NLGN1: variants seen among roughly 807,000 people sequenced by gnomAD.
The protein encoded by NLGN1 is neuroligin-1.
A neutral mutation model predicts 65.5 loss-of-function variants in NLGN1; 12 were observed. The observed-to-expected ratio is 0.18, with a 90% CI of 0.12 to 0.30. The LOEUF (loss-of-function observed/expected upper bound fraction) is 0.30, where lower values mean the gene tolerates loss of function less well. Among genes scored for constraint, NLGN1 ranks in the 10% least tolerant of loss-of-function variants. NLGN1 has a pLI of 1.00. For missense variants in NLGN1, 750 were observed against 1,007.1 expected, an observed-to-expected ratio of 0.74 and a Z score of 3.46; for synonymous variants, 350 against 359.5, an observed-to-expected ratio of 0.97 and a Z score of 0.30.
chr3:173,399,238 T>C (rs1171115896), intron 1 of NLGN1, among the ~76,000 whole-genome samples: 1 of 152,190 alleles, frequency 6.6e-6, no homozygotes, highest in Non-Finnish European at 1.5e-5. Context: ...GAAGTAACTG[T>C]TTTCTGTAAG....
intron 2 of NLGN1, among the ~76,000 whole-genome samples, chr3:173,446,387 A>G (rs1418335590): frequency 1.3e-5 from 2 of 152,154 alleles, no homozygotes; most frequent in Non-Finnish European, 2.9e-5. Flanking sequence ...CCTACAAAGG[A>G]CATGAACTCA....
At chr3:174,024,089 G>GCTTT (rs1728330450) in intron 4 of NLGN1, among the ~76,000 whole-genome samples, 1 of 150,532 alleles carries the variant, frequency 6.6e-6, no homozygotes, top group Admixed American at 6.7e-5. Context: ...GAGTAACAGG[G>GCTTT]CTTTGTCCAC....
chr3:173,716,287 T>G (rs1769835749), intron 3 of NLGN1, among the ~76,000 whole-genome samples: 1 of 152,168 alleles, frequency 6.6e-6, no homozygotes, highest in East Asian at 1.9e-4. Flanking sequence ...GTAGATATAT[T>G]CATTTTACTT....
intron 4 of NLGN1, among the ~76,000 whole-genome samples, chr3:173,936,423 T>A (rs1245010882): frequency 6.6e-6 from 1 of 152,062 alleles, no homozygotes; most frequent in Non-Finnish European, 1.5e-5. Flanking sequence ...ACAAGAAGTA[T>A]TTCTCTCATG....
intron 4 of NLGN1, among the ~76,000 whole-genome samples, chr3:174,097,027 A>G (rs913849587): frequency 2.0e-5 from 3 of 151,870 alleles, no homozygotes; most frequent in Non-Finnish European, 4.4e-5. Flanking sequence ...GGCTTTTGCC[A>G]CAACTGAATA....
chr3:173,818,673 G>T (rs2150516849), intron 4 of NLGN1, among the ~76,000 whole-genome samples: 1 of 152,182 alleles, frequency 6.6e-6, no homozygotes, highest in Admixed American at 6.5e-5. Context: ...GGAATGGACG[G>T]GTAACCTTGG....
chr3:173,776,055 C>G (rs914082605), intron 3 of NLGN1, among the ~76,000 whole-genome samples: 4 of 152,040 alleles, frequency 2.6e-5, no homozygotes, highest in Non-Finnish European at 4.4e-5. Flanking sequence ...GCTATAGATT[C>G]TCTTTCCTTC....
chr3:174,036,584 GT>G (rs34399860), intron 4 of NLGN1, among the ~76,000 whole-genome samples: 33,318 of 141,534 alleles, frequency 0.24, 4,168 homozygotes, highest in East Asian at 0.36. Flanking sequence ...GTTTTTTGTT[GT>G]TTTTTTTTTT....
chr3:173,833,653 G>T (rs749745451), intron 4 of NLGN1, among the ~76,000 whole-genome samples: 5 of 151,926 alleles, frequency 3.3e-5, no homozygotes, highest in Non-Finnish European at 5.9e-5. Flanking sequence ...CCAGTGGCTG[G>T]GTCTGCGGGC....
intron 4 of NLGN1, among the ~76,000 whole-genome samples, chr3:174,268,562 G>A (rs1192174949): frequency 1.3e-5 from 2 of 152,058 alleles, no homozygotes; most frequent in East Asian, 3.9e-4. Flanking sequence ...CCTAAATTGG[G>A]AAGAAATTTG....
At chr3:173,439,291 A>G (rs779005018) in intron 2 of NLGN1, among the ~76,000 whole-genome samples, 6 of 152,180 alleles carry the variant, frequency 3.9e-5, no homozygotes, top group South Asian at 4.1e-4. Flanking sequence ...GAGTTTTAGT[A>G]TTATATTAAC....
At chr3:173,782,377 C>T (rs1781313993) in intron 3 of NLGN1, among the ~76,000 whole-genome samples, 1 of 152,018 alleles carries the variant, frequency 6.6e-6, no homozygotes, top group African/African-American at 2.4e-5. Flanking sequence ...GAAAAAAAAC[C>T]TCTCAAGATA....
chr3:173,702,890 G>T (rs1767463096), intron 3 of NLGN1, among the ~76,000 whole-genome samples: 1 of 152,058 alleles, frequency 6.6e-6, no homozygotes, highest in Admixed American at 6.5e-5. Context: ...TTCTTTTTGA[G>T]CAATATTACT....
At chr3:174,013,534 CA>C (rs1247053698) in intron 4 of NLGN1, among the ~76,000 whole-genome samples, 1 of 152,198 alleles carries the variant, frequency 6.6e-6, no homozygotes, top group East Asian at 1.9e-4. Context: ...GGGTCAACTT[CA>C]GATTAGCTAT....
chr3:173,506,692 G>A (rs1305967554), intron 2 of NLGN1, among the ~76,000 whole-genome samples: 1 of 152,084 alleles, frequency 6.6e-6, no homozygotes, highest in African/African-American at 2.4e-5. Flanking sequence ...AGTATTACTG[G>A]TTCCATCAGA....
intron 2 of NLGN1, among the ~76,000 whole-genome samples, chr3:173,499,896 C>T (rs1730744757): frequency 6.6e-6 from 1 of 151,514 alleles, no homozygotes; most frequent in Non-Finnish European, 1.5e-5. Flanking sequence ...GATTTTTGGG[C>T]ATTGATTTTG....
chr3:173,988,503 A>T (rs779165519), intron 4 of NLGN1, among the ~76,000 whole-genome samples: 7 of 152,112 alleles, frequency 4.6e-5, no homozygotes, highest in Non-Finnish European at 1.0e-4. Context: ...AGGATGCATG[A>T]AGGAAGATAG....
chr3:173,868,338 C>T (rs1730576531), intron 4 of NLGN1, among the ~76,000 whole-genome samples: 2 of 152,240 alleles, frequency 1.3e-5, no homozygotes, highest in South Asian at 2.1e-4. Context: ...GTTCAATCAA[C>T]AATTATGACT....
At chr3:174,153,135 A>G (rs1253299525) in intron 4 of NLGN1, among the ~76,000 whole-genome samples, 1 of 152,106 alleles carries the variant, frequency 6.6e-6, no homozygotes, top group East Asian at 1.9e-4. Context: ...ATAGGCTTCA[A>G]ATCTTAGTTC....
Sources: gnomAD v4.1 joint callset for allele counts (sites outside exome capture counted in the v4.1 genomes callset) on GRCh38, gnomAD v4.1.1 for gene constraint, MANE v1.5 for transcripts, NCBI Gene and HGNC (gene_info 2026-07-23, HGNC 2026-07-21) for gene names.